Variants in TRHDE observed in about 807,000 individuals in gnomAD.
TRHDE encodes thyrotropin releasing hormone degrading enzyme.
In TRHDE, 72 loss-of-function variants were observed where a neutral mutation model predicts 125.7. The observed-to-expected ratio is 0.57, with a 90% CI of 0.47 to 0.70. The LOEUF is 0.70. TRHDE is among the 30% of genes least tolerant of loss of function. TRHDE has a pLI of 0.00. For synonymous variants in TRHDE, 509 were observed against 509.1 expected, an observed-to-expected ratio of 1.00 and a Z score of 0.00; for missense variants, 1,110 against 1,327.1, an observed-to-expected ratio of 0.84 and a Z score of 2.54.
chr12:72,622,314 A>G (rs1040124156), intron 15 of TRHDE, among the ~76,000 whole-genome samples: 1 of 152,106 alleles, frequency 6.6e-6, no homozygotes, highest in Non-Finnish European at 1.5e-5. Context: ...ATTACTTTTA[A>G]GGAAAAAAAT....
chr12:72,382,143 G>T (rs2135781437), intron 3 of TRHDE, among the ~76,000 whole-genome samples: 1 of 152,210 alleles, frequency 6.6e-6, no homozygotes, highest in East Asian at 1.9e-4. Context: ...AGGTGTTTGT[G>T]GTGTCTGAGA....
rs544857452 is a variant in TRHDE at position 72,338,096 on chromosome 12, C to T, written c.1189-39899C>T. Among the ~76,000 whole-genome samples the T allele has an allele frequency of 3.9e-5, 6 of 152,258 alleles. No individual in the cohort carries two copies. In the East Asian group the frequency reaches 1.2e-3, roughly 29 times the overall value. On this transcript the variant is annotated intron_variant, in intron 2 of 18. Coordinates refer to ENST00000261180, the MANE Select transcript of TRHDE (RefSeq NM_013381.3). The stretch of plus-strand genomic sequence containing the variant: ...GACTTTTTGTACAAGTGTCGCTGTG[C>T]CTGCTTATGTTTTCACACAGAATGT...
In TRHDE at chr12:72,313,967, G is replaced by A. The variant is rs1868667974; in HGVS notation, c.1188+27013G>A. 2.6e-5 allele frequency among the ~76,000 whole-genome samples: 4 copies of A among 152,220 alleles called. No homozygotes were observed. In the Middle Eastern group the frequency reaches 0.01, roughly 391 times the overall value. ...TGTGTGTGCAGCGTCCGTTTGCTTTGCATCACTCCCACAGGACCTGGGAGC... is the reference window on the plus strand; with the variant it reads ...TGTGTGTGCAGCGTCCGTTTGCTTTACATCACTCCCACAGGACCTGGGAGC... On this transcript the variant is annotated intron_variant, in intron 2 of 18. Coordinates refer to ENST00000261180, the MANE Select transcript of TRHDE (RefSeq NM_013381.3).
intron 12 of TRHDE, among the ~76,000 whole-genome samples, chr12:72,593,096 T>C (rs182489728): frequency 1.7e-3 from 262 of 152,348 alleles, no homozygotes; most frequent in African/African-American, 6.1e-3. Flanking sequence ...ATATGCTTGC[T>C]GTCTCTTTCA....
intron 6 of TRHDE, among the ~76,000 whole-genome samples, chr12:72,507,079 T>C (rs1878386547): frequency 6.6e-6 from 1 of 152,136 alleles, no homozygotes; most frequent in Non-Finnish European, 1.5e-5. Flanking sequence ...CTCTTTGCCT[T>C]CCACTGTGTT....
Position 72,171,144 on chromosome 12 carries a change from A to G in TRHDE, n.279+65392A>G, listed in dbSNP as rs192836176. Among the ~76,000 whole-genome samples, 5 of 152,270 alleles carry G rather than the reference A, an allele frequency of 3.3e-5. No individual in the cohort carries two copies. The East Asian group carries it at 9.7e-4, about 29-fold the overall frequency. ...ATAAATTAACTTGTGCTCTTCTCTCAGTTTCCTTTCTCACCTTCACACCAC... is the reference window on the plus strand; with the variant it reads ...ATAAATTAACTTGTGCTCTTCTCTCGGTTTCCTTTCTCACCTTCACACCAC... On this transcript the variant is annotated intron_variant and non_coding_transcript_variant, in intron 2 of 4. Coordinates refer to the TRHDE transcript ENST00000548156.
At chr12:72,197,722 C>T (rs1198924176) in intron 2 of TRHDE, among the ~76,000 whole-genome samples, 1 of 151,996 alleles carries the variant, frequency 6.6e-6, no homozygotes, top group African/African-American at 2.4e-5. Flanking sequence ...TGATATTGTT[C>T]CCTATTCCAG....
intron 2 of TRHDE, among the ~76,000 whole-genome samples, chr12:72,113,627 T>C (rs1001440883): frequency 1.3e-5 from 2 of 152,092 alleles, no homozygotes; most frequent in Non-Finnish European, 2.9e-5. Flanking sequence ...ATTGGTTCCT[T>C]TGGCAACCAG....
intron 1 of TRHDE, among the ~76,000 whole-genome samples, chr12:72,277,816 T>C (rs1879543890): frequency 6.6e-6 from 1 of 152,146 alleles, no homozygotes; most frequent in African/African-American, 2.4e-5. Context: ...ATATACAGTT[T>C]TTTCAAATTA....
intron 2 of TRHDE, among the ~76,000 whole-genome samples, chr12:72,295,666 A>C (rs950284255): frequency 1.3e-5 from 2 of 152,144 alleles, no homozygotes; most frequent in Non-Finnish European, 2.9e-5. Context: ...TCTAGATGTG[A>C]TATTCTGTAT....
At chr12:72,644,204 C>T (rs1241024159) in intron 15 of TRHDE, among the ~76,000 whole-genome samples, 2 of 152,146 alleles carry the variant, frequency 1.3e-5, no homozygotes, top group African/African-American at 4.8e-5. Flanking sequence ...AGATTCAGGA[C>T]ACACATTTAT....
chr12:72,665,135 A>G lies in TRHDE; in HGVS notation c.*1940A>G, dbSNP rs995272388. ...TATCACACTGCGATGGAGGTCCCAA[A>G]TATGTGGTCTATCACCACTGAATTC... On this transcript the variant is annotated 3_prime_UTR_variant, in exon 19 of 19. Transcript: ENST00000261180. 7.9e-5 allele frequency: 12 copies of G among 152,178 alleles called. No homozygotes were observed. The South Asian group carries it at 2.1e-3, about 26-fold the overall frequency. 9.4% of individuals were successfully genotyped at this position (152,178 alleles called of 1,614,324 possible).
At chr12:72,196,978 CATT>C (rs1877458504) in intron 2 of TRHDE, among the ~76,000 whole-genome samples, 1 of 152,012 alleles carries the variant, frequency 6.6e-6, no homozygotes, top group Non-Finnish European at 1.5e-5. Context: ...GATCAGTCAC[CATT>C]ATTATTTTAT....
intron 6 of TRHDE, among the ~76,000 whole-genome samples, chr12:72,537,589 T>G (rs1256341010): frequency 6.6e-6 from 1 of 152,026 alleles, no homozygotes; most frequent in Non-Finnish European, 1.5e-5. Context: ...AAGTCTTGGG[T>G]AGTTCTTTAT....
At chr12:72,644,217 GA>G (rs1874184849) in intron 15 of TRHDE, among the ~76,000 whole-genome samples, 1 of 152,156 alleles carries the variant, frequency 6.6e-6, no homozygotes, top group African/African-American at 2.4e-5. Flanking sequence ...ACATTTATCA[GA>G]ATCTCTACTC....
At chr12:72,477,482 C>G (rs1348021744) in intron 5 of TRHDE, among the ~76,000 whole-genome samples, 1 of 152,138 alleles carries the variant, frequency 6.6e-6, no homozygotes, top group Non-Finnish European at 1.5e-5. Context: ...CAGCTTAGGG[C>G]TGAAGACACA....
intron 2 of TRHDE, among the ~76,000 whole-genome samples, chr12:72,332,942 G>A (rs1480360475): frequency 6.6e-6 from 1 of 152,226 alleles, no homozygotes; most frequent in East Asian, 1.9e-4. Flanking sequence ...AGACCATTCA[G>A]CTTTTAGCAA....
chr12:72,579,992 G>A (rs1426108679), intron 12 of TRHDE, among the ~76,000 whole-genome samples: 1 of 151,788 alleles, frequency 6.6e-6, no homozygotes, highest in Non-Finnish European at 1.5e-5. Context: ...TGTTGCAGTT[G>A]CCCAAATTTT....
At chr12:72,638,779 G>T (rs530141604) in intron 15 of TRHDE, among the ~76,000 whole-genome samples, 94 of 152,118 alleles carry the variant, frequency 6.2e-4, no homozygotes, top group Middle Eastern at 3.4e-3. Flanking sequence ...AGTTTGGCTA[G>T]ATATGAAATT....
Sources: allele counts gnomAD v4.1 joint callset (sites outside exome capture counted in the v4.1 genomes callset), GRCh38; gene constraint gnomAD v4.1.1; transcripts MANE v1.5; gene names NCBI Gene and HGNC (gene_info 2026-07-23, HGNC 2026-07-21).